The following SASH1 variants were observed in gnomAD, a reference collection of about 807,000 sequenced individuals.
SASH1 encodes SAM and SH3 domain containing 1, also known as SAM and SH3 domain-containing protein 1.
In SASH1, 44 loss-of-function variants were observed where a neutral mutation model predicts 125.2. The observed-to-expected ratio is 0.35, with a 90% CI of 0.28 to 0.45. The LOEUF (loss-of-function observed/expected upper bound fraction) is 0.45, where lower values mean the gene tolerates loss of function less well. SASH1 is among the 20% of genes least tolerant of loss of function. The probability of loss-of-function intolerance (pLI) is 1.00; values close to 1 mark genes in which losing one functional copy is unlikely to be tolerated. For missense variants in SASH1, 1,426 were observed against 1,614.5 expected (o/e 0.88, Z 2.00); for synonymous variants, 639 against 649.1 (o/e 0.98, Z 0.24).
At chr6:148,522,755 A>T (rs1048444955) in intron 10 of SASH1, among the ~76,000 whole-genome samples, 2 of 152,236 alleles carry the variant, frequency 1.3e-5, no homozygotes, top group African/African-American at 4.8e-5. Context: ...GAACTAAAAA[A>T]ACTTCATTTA....
At chr6:148,266,784 T>C in the SASH1 span, among the ~76,000 whole-genome samples, 24,252 of 150,250 alleles carry the variant, frequency 0.16, 2,133 homozygotes, top group East Asian at 0.35. Flanking sequence ...TTTAATTTTT[T>C]TTTTTTTGGT....
the SASH1 span, among the ~76,000 whole-genome samples, chr6:148,204,770 T>TA: frequency 4.1e-4 from 59 of 144,848 alleles, no homozygotes; most frequent in South Asian, 2.4e-3. Flanking sequence ...GACCATTTAG[T>TA]AAAAAAAAAA....
chr6:148,228,057 T>G, the SASH1 span, among the ~76,000 whole-genome samples: 9 of 152,120 alleles, frequency 5.9e-5, no homozygotes, highest in African/African-American at 1.9e-4. Context: ...TACAGACTGG[T>G]TTGAAAACTG....
At chr6:148,408,200 T>C (rs1398359009) in intron 2 of SASH1, among the ~76,000 whole-genome samples, 1 of 146,094 alleles carries the variant, frequency 6.8e-6, no homozygotes, top group Non-Finnish European at 1.5e-5. Context: ...CTCCTACTCC[T>C]GGGTTCAAGC....
chr6:148,365,678 A>G (rs1441523451), intron 1 of SASH1, among the ~76,000 whole-genome samples: 1 of 152,176 alleles, frequency 6.6e-6, no homozygotes, highest in Non-Finnish European at 1.5e-5. Context: ...AGCTAGGAAT[A>G]TAAAGATCAT....
At chr6:148,216,823 C>T in the SASH1 span, among the ~76,000 whole-genome samples, 2 of 152,022 alleles carry the variant, frequency 1.3e-5, no homozygotes, top group Non-Finnish European at 1.5e-5. Flanking sequence ...CTCCACCTCC[C>T]GGGTTCAAGC....
Position 148,544,374 on chromosome 6 carries a change from A to G in SASH1, c.2904A>G (p.Glu968=), listed in dbSNP as rs780606769. The change falls in exon 18 of 20, where the codon GAA becomes GAG. Residue 968 remains glutamate (E), a synonymous_variant. Coordinates refer to ENST00000367467, the MANE Select transcript of SASH1 (RefSeq NM_015278.5). The surrounding 1 kb of genome is among the most constrained non-coding windows in gnomAD (Gnocchi z 6.4). ...CACACCATCCCCTGGGCACCAAAGA[A>G]GGGGTAGATGCTGAGCAGAGAATGC... ...EGTHHPLGTK[E]GVDAEQRMQP... is the part of the protein sequence containing the mutation. 1.2e-6 allele frequency: 2 copies of G among 1,614,058 alleles called. No homozygotes were observed. Among genetic ancestry groups the G allele is most frequent in the Non-Finnish European group, 1.7e-6 (2 of 1,180,040 alleles).
At chr6:148,282,031 C>A (rs1299839888) in intron 1 of SASH1, among the ~76,000 whole-genome samples, 3 of 152,158 alleles carry the variant, frequency 2.0e-5, no homozygotes, top group Non-Finnish European at 4.4e-5. Flanking sequence ...ATAAATGAAA[C>A]CATAAATTAG....
chr6:148,544,558 A>G lies in SASH1; in HGVS notation c.3088A>G (p.Thr1030Ala). The change falls in exon 18 of 20, where the codon ACC becomes GCC. Residue 1030 changes from threonine (T) to alanine (A), a missense_variant. Coordinates refer to ENST00000367467, the MANE Select transcript of SASH1 (RefSeq NM_015278.5). This position sits in a 1 kb window ranked among gnomAD's most constrained non-coding sequence, Gnocchi z 6.4. ...GAAAAGGGGCAGCCCCGCCAGCCCC[A>G]CCAGCCCTAGCGACTGTCCCCCAGC... ...PVKRGSPASP[T>A]SPSDCPPALA... The G allele has an allele frequency of 1.2e-6, 2 of 1,613,060 alleles. No homozygotes were observed. The highest frequency in any genetic ancestry group is 2.2e-5 in the South Asian group (2 of 91,062).
chr6:148,477,692 ATTTTT>A (rs71004300), intron 7 of SASH1, among the ~76,000 whole-genome samples: 1 of 95,848 alleles, frequency 1.0e-5, no homozygotes. Flanking sequence ...CACCTGGCTA[ATTTTT>A]TTTTTTTTTT....
chr6:148,467,675 G>A (rs1467778883), intron 4 of SASH1, among the ~76,000 whole-genome samples: 1 of 152,132 alleles, frequency 6.6e-6, no homozygotes, highest in South Asian at 2.1e-4. Flanking sequence ...AGTGGCTCAC[G>A]CCTGTAATCC....
intron 4 of SASH1, among the ~76,000 whole-genome samples, chr6:148,450,052 A>C (rs1265477263): frequency 6.6e-6 from 1 of 152,108 alleles, no homozygotes; most frequent in Non-Finnish European, 1.5e-5. Flanking sequence ...CTGGAAATCA[A>C]ATTTCATCAT....
the SASH1 span, among the ~76,000 whole-genome samples, chr6:148,219,825 G>A: frequency 7.2e-5 from 11 of 152,180 alleles, no homozygotes; most frequent in Non-Finnish European, 1.5e-4. Flanking sequence ...GTTTCCCCAC[G>A]TGCATAGGAG....
intron 4 of SASH1, among the ~76,000 whole-genome samples, chr6:148,454,987 C>A (rs1202876769): frequency 1.3e-5 from 2 of 152,182 alleles, no homozygotes; most frequent in Non-Finnish European, 1.5e-5. Flanking sequence ...GTATTTGCCA[C>A]TTGTTTTATC....
At chr6:148,261,323 G>A in the SASH1 span, among the ~76,000 whole-genome samples, 3 of 152,248 alleles carry the variant, frequency 2.0e-5, no homozygotes, top group Non-Finnish European at 4.4e-5. Flanking sequence ...GTGTCGCTTT[G>A]ACTCTTACTT....
In SASH1 at chr6:148,543,814, CA is replaced by C; in HGVS notation, c.2345del (p.Gln782ArgfsTer23). 6.2e-7 allele frequency: 1 copy of C among 1,614,124 alleles called. No homozygotes were observed. The highest frequency in any genetic ancestry group is 8.5e-7 in the Non-Finnish European group (1 of 1,179,996). Reference sequence around the variant, plus strand: ...ATCAGGGGATGCACTGAAGCAGGGACAGGAGGAGGGCAGGCTGGGTGGTGGC... The same window carrying C: ...ATCAGGGGATGCACTGAAGCAGGGACGGAGGAGGGCAGGCTGGGTGGTGGC... Reference protein sequence around the residue: ...MKSGDALKQGQEEGRLGGGLA... With the variant: ...MKSGDALKQGXEEGRLGGGLA... On this transcript the variant is annotated frameshift_variant, in exon 18 of 20. Transcript: ENST00000367467. LOFTEE classifies it high-confidence loss of function.
At chr6:148,244,377 C>G in the SASH1 span, among the ~76,000 whole-genome samples, 1 of 152,158 alleles carries the variant, frequency 6.6e-6, no homozygotes, top group Non-Finnish European at 1.5e-5. Context: ...TATTCACAGG[C>G]CTTGGTCTTT....
At chr6:148,390,752 C>T (rs894043038) in intron 2 of SASH1, among the ~76,000 whole-genome samples, 1 of 150,610 alleles carries the variant, frequency 6.6e-6, no homozygotes. Flanking sequence ...CACGCCACTG[C>T]ACTCCAGCCT....
At chr6:148,455,781 G>A (rs1001935440) in intron 4 of SASH1, among the ~76,000 whole-genome samples, 4 of 152,226 alleles carry the variant, frequency 2.6e-5, no homozygotes, top group African/African-American at 7.2e-5. Context: ...CAGGGCTGCC[G>A]CGTGTCCATG....
Sources: gnomAD v4.1 joint callset for allele counts (sites outside exome capture counted in the v4.1 genomes callset) on GRCh38, gnomAD v4.1.1 for gene constraint, Gnocchi (gnomAD v3.1) non-coding constraint, MANE v1.5 for transcripts, NCBI Gene and HGNC (gene_info 2026-07-23, HGNC 2026-07-21) for gene names.